The following CCPG1 variants were observed in gnomAD, a reference collection of about 807,000 sequenced individuals.
CCPG1 encodes cell cycle progression protein 1.
CCPG1 carries 46 observed loss-of-function variants against 81.3 expected under a neutral mutation model. The observed-to-expected ratio is 0.57, with a 90% CI of 0.45 to 0.72. CCPG1 has a LOEUF of 0.72. Ranked by LOEUF, CCPG1 falls within the 30% of genes least tolerant of loss-of-function variation. The pLI is 0.00. For synonymous variants in CCPG1, 330 were observed against 305.2 expected, an observed-to-expected ratio of 1.08 and a Z score of -0.85; for missense variants, 902 against 937.6, an observed-to-expected ratio of 0.96 and a Z score of 0.50.
chr15:55,386,590 TA>T (rs1226491128), intron 2 of CCPG1, among the ~76,000 whole-genome samples: 2 of 151,858 alleles, frequency 1.3e-5, no homozygotes, highest in Non-Finnish European at 2.9e-5. Flanking sequence ...CAGCAAAAAT[TA>T]AAAGAATTCA....
chr15:55,402,404 T>C (rs8040840), intron 1 of CCPG1, among the ~76,000 whole-genome samples: 26,953 of 152,046 alleles, frequency 0.18, 4,132 homozygotes, highest in African/African-American at 0.42. Flanking sequence ...ATTTTTGTAT[T>C]TTTAGTAGAG....
chr15:55,382,511 C>CT (rs752529724), intron 3 of CCPG1, among the ~76,000 whole-genome samples: 4,045 of 139,858 alleles, frequency 0.029, 85 homozygotes, highest in African/African-American at 0.056. Context: ...GGATCCACTT[C>CT]TTTTTTTTTT....
chr15:55,374,302 T>C (rs1395076092), intron 5 of CCPG1: 1 of 939,752 alleles, frequency 1.1e-6, no homozygotes, highest in African/African-American at 1.7e-5. Flanking sequence ...TTATAAAGAC[T>C]AAAAAGAAAA....
At chr15:55,396,663 G>T (rs983870407) in intron 1 of CCPG1, among the ~76,000 whole-genome samples, 5 of 152,194 alleles carry the variant, frequency 3.3e-5, no homozygotes, top group East Asian at 3.8e-4. Context: ...TATTTGAGGA[G>T]ATTTATTCTG....
Position 55,356,089 on chromosome 15 carries a change from G to T in CCPG1, c.*131C>A, listed in dbSNP as rs912183981. The T allele has an allele frequency of 8.4e-6, 6 of 711,042 alleles. No homozygotes were observed. The highest frequency in any genetic ancestry group is 1.1e-5 in the Non-Finnish European group (5 of 447,670). The allele number at this position is 711,042 out of a possible 1,614,324, so 44.0% of individuals were successfully genotyped here. On this transcript the variant is annotated 3_prime_UTR_variant, in exon 9 of 9. Transcript: ENST00000442196. ...TAATGCTTCTGAGGAATAATATAAA[G>T]TTATCAAACTGATACTTAGAAACAA...
intron 8 of CCPG1, 46 bp from the exon 9 acceptor site, chr15:55,356,455 A>G: frequency 7.1e-7 from 1 of 1,401,064 alleles, no homozygotes; most frequent in East Asian, 2.5e-5. Flanking sequence ...AGTTCAATGT[A>G]TTTAAATTTA....
chr15:55,360,309 T>A lies in CCPG1; in HGVS notation c.1464A>T (p.Ser488=). The A allele has an allele frequency of 6.2e-7, 1 of 1,613,948 alleles. No individual in the cohort carries two copies. ...KNKSKETFLG[S]VKETFDAMKN... ...TCATGGCATCAAATGTTTCCTTAAC[T>A]GAACCCAAAAATGTTTCCTTTGACT... Residue 488 remains serine, a synonymous_variant, in exon 8 of 9, where the codon TCA becomes TCT. Coordinates refer to ENST00000442196, the MANE Select transcript of CCPG1 (RefSeq NM_001204450.2).
intron 4 of CCPG1, among the ~76,000 whole-genome samples, chr15:55,378,094 G>T (rs558755712): frequency 6.6e-6 from 1 of 152,148 alleles, no homozygotes; most frequent in South Asian, 2.1e-4. Flanking sequence ...CTTCCAAAAA[G>T]AATTATATTA....
intron 5 of CCPG1, 93 bp from the exon 6 acceptor site, chr15:55,372,137 A>G: frequency 8.2e-7 from 1 of 1,213,478 alleles, no homozygotes; most frequent in South Asian, 1.5e-5. Context: ...CATCCCTTAC[A>G]TGCCTTTCTA....
intron 1 of CCPG1, among the ~76,000 whole-genome samples, chr15:55,400,906 G>T: frequency 6.6e-6 from 1 of 152,122 alleles, no homozygotes; most frequent in East Asian, 1.9e-4. Context: ...TAATGTTCTA[G>T]CATGCCTCAA....
chr15:55,378,733 A>G (rs1360806190), intron 3 of CCPG1, among the ~76,000 whole-genome samples: 1 of 151,770 alleles, frequency 6.6e-6, no homozygotes, highest in African/African-American at 2.4e-5. Flanking sequence ...CCTCCTAAGC[A>G]ACTGGGATTA....
At chr15:55,362,761 G>C (rs1295561695) in intron 7 of CCPG1, among the ~76,000 whole-genome samples, 1 of 152,186 alleles carries the variant, frequency 6.6e-6, no homozygotes, top group Non-Finnish European at 1.5e-5. Flanking sequence ...TGACTCTCTA[G>C]CTGGGCACAG....
intron 3 of CCPG1, among the ~76,000 whole-genome samples, chr15:55,379,911 T>A (rs2056645540): frequency 6.6e-6 from 1 of 151,852 alleles, no homozygotes. Context: ...CCAGCCTGGC[T>A]AACACGGTGA....
At chr15:55,392,169 A>G in intron 1 of CCPG1, among the ~76,000 whole-genome samples, 1 of 152,038 alleles carries the variant, frequency 6.6e-6, no homozygotes, top group Non-Finnish European at 1.5e-5. Flanking sequence ...AAAAATAAAA[A>G]AGACAATCTA....
chr15:55,397,197 G>A (rs1289249867), intron 1 of CCPG1, among the ~76,000 whole-genome samples: 1 of 151,016 alleles, frequency 6.6e-6, no homozygotes, highest in Non-Finnish European at 1.5e-5. Context: ...CTGGGCGACA[G>A]AGCGAGACTC....
At position 55,376,969 on chromosome 15, in the gene CCPG1, G is replaced by A. The variant is rs1047013700; in HGVS notation, c.434C>T (p.Thr145Ile). The part of the protein sequence containing the change: ...NMGSSSSSQY[T>I]FCQPETVFSS... ...CTTACCAGTTTCTGGCTGACAGAAA[G>A]TATACTGGCTGCTAGAGGAAGAGCC... The change falls in exon 5 of 9, where the codon ACT becomes ATT. Residue 145 changes from threonine to isoleucine, a missense_variant. By Grantham distance (89) the Thr-to-Ile change is moderately conservative (BLOSUM62 -1). Transcript: ENST00000442196. 1.2e-6 allele frequency: 2 copies of A among 1,613,026 alleles called. No individual in the cohort carries two copies. Among genetic ancestry groups the A allele is most frequent in the Non-Finnish European group, 8.5e-7 (1 of 1,179,670 alleles).
In CCPG1 at chr15:55,371,969, C is replaced by T. The variant is rs1205424986; in HGVS notation, c.530G>A (p.Arg177Gln). 5.0e-6 allele frequency: 8 copies of T among 1,613,990 alleles called. No homozygotes were observed. The highest frequency in any genetic ancestry group is 2.7e-5 in the African/African-American group (2 of 74,912). ...TSNQPSPAFR[R>Q]RRARKKTVSA... is the part of the protein sequence containing the mutation. ...AACGGTCTTCTTCCTAGCACGGCGT[C>T]GTCTAAAGGCAGGACTGGGCTGATT... Residue 177 changes from arginine to glutamine, a missense_variant, in exon 6 of 9, where the codon CGA (arginine) becomes CAA (glutamine). This residue lies in a region of CCPG1 where 746 missense variants were observed against 728.6 expected (regional missense o/e 1.02). Coordinates refer to ENST00000442196, the MANE Select transcript of CCPG1 (RefSeq NM_001204450.2).
At chr15:55,374,957 G>A (rs956142068) in intron 5 of CCPG1, among the ~76,000 whole-genome samples, 2 of 152,212 alleles carry the variant, frequency 1.3e-5, no homozygotes, top group Non-Finnish European at 2.9e-5. Context: ...GAGCCAAAGT[G>A]CCCGGCCCCA....
At chr15:55,389,577 A>C (rs1348395882) in intron 1 of CCPG1, 144 bp from the exon 2 acceptor site, 4 of 662,024 alleles carry the variant, frequency 6.0e-6, no homozygotes, top group Non-Finnish European at 1.1e-5. Flanking sequence ...TACCATACAG[A>C]ACATGACAGG....
Sources: gnomAD v4.1 joint callset for allele counts (sites outside exome capture counted in the v4.1 genomes callset) on GRCh38, gnomAD v4.1.1 for gene constraint, gnomAD v4.1.1 regional missense constraint, MANE v1.5 for transcripts, NCBI Gene and HGNC (gene_info 2026-07-23, HGNC 2026-07-21) for gene names.